ILRUN: variants seen among roughly 807,000 people sequenced by gnomAD.
ILRUN encodes the protein inflammation and lipid regulator with UBA-like and NBR1-like domains, also known as protein ILRUN.
A neutral mutation model predicts 33.8 loss-of-function variants in ILRUN; 3 were observed. That is an observed-to-expected ratio of 0.09 (90% CI 0.04 to 0.23). The LOEUF is 0.23. Ranked by LOEUF, ILRUN falls within the 10% of genes least tolerant of loss-of-function variation. The pLI is 1.00. For missense variants in ILRUN, 210 were observed against 375.1 expected (o/e 0.56, Z 3.64); for synonymous variants, 124 against 138.9 (o/e 0.89, Z 0.75).
At chr6:34,614,177 C>T (rs1412354411) in intron 3 of ILRUN, among the ~76,000 whole-genome samples, 1 of 152,018 alleles carries the variant, frequency 6.6e-6, no homozygotes, top group Non-Finnish European at 1.5e-5. Context: ...AATCCTTGCA[C>T]CGTGGGAGGC....
At chr6:34,687,575 G>A (rs1427630335) in intron 1 of ILRUN, among the ~76,000 whole-genome samples, 1 of 151,602 alleles carries the variant, frequency 6.6e-6, no homozygotes, top group Admixed American at 6.6e-5. Context: ...GCACACAGCT[G>A]TAGTCCCAGC....
chr6:34,691,741 A>C (rs1485090924), intron 1 of ILRUN, among the ~76,000 whole-genome samples: 2 of 152,106 alleles, frequency 1.3e-5, no homozygotes, highest in Non-Finnish European at 2.9e-5. Context: ...GGTTGCAGTG[A>C]GCCAAGATCG....
intron 4 of ILRUN, chr6:34,595,983 AC>A: frequency 1.1e-6 from 1 of 932,166 alleles, no homozygotes; most frequent in Non-Finnish European, 1.3e-6. Flanking sequence ...AGGGTTTAGT[AC>A]TAAGTCCTGT....
intron 2 of ILRUN, among the ~76,000 whole-genome samples, chr6:34,650,585 C>A (rs1762645457): frequency 6.6e-6 from 1 of 151,992 alleles, no homozygotes; most frequent in South Asian, 2.1e-4. Context: ...CGCCTGCCAC[C>A]ATGCCTGGCT....
chr6:34,682,261 T>TTTTGTTTTGTTTTG (rs1763380700), intron 1 of ILRUN, among the ~76,000 whole-genome samples: 4 of 96,594 alleles, frequency 4.1e-5, no homozygotes, highest in African/African-American at 1.8e-4. Flanking sequence ...GTTTTTTTTT[T>TTTTGTTTTGTTTTG]TTTTTTTTTT....
chr6:34,670,361 T>C (rs147549058), intron 1 of ILRUN, among the ~76,000 whole-genome samples: 128 of 152,262 alleles, frequency 8.4e-4, no homozygotes, highest in African/African-American at 3.0e-3. Flanking sequence ...TGCAGATGGA[T>C]AAACTTACTA....
At chr6:34,654,560 C>A in intron 2 of ILRUN, 65 bp downstream of exon 2, 1 of 1,478,884 alleles carries the variant, frequency 6.8e-7, no homozygotes, top group South Asian at 1.3e-5. Flanking sequence ...TAAAACATTT[C>A]CTTCTTATTT....
rs78778384 is a variant in ILRUN at position 34,683,518 on chromosome 6, A to G, written c.158+12928T>C. The stretch of plus-strand genomic sequence containing the variant: ...TATATACATATATATATATATACAT[A>G]TATATATATACATATTGCACAGAAT... On this transcript the variant is annotated intron_variant, in intron 1 of 4. Transcript: ENST00000374023. Among the ~76,000 whole-genome samples, 22 of 99,626 alleles carry G rather than the reference A, an allele frequency of 2.2e-4. No homozygotes were observed. In the East Asian group the frequency reaches 4.6e-3, roughly 21 times the overall value. 65.4% of individuals were successfully genotyped at this position (99,626 alleles called of 152,430 possible).
intron 1 of ILRUN, among the ~76,000 whole-genome samples, chr6:34,662,470 G>A (rs778554754): frequency 6.6e-6 from 1 of 152,150 alleles, no homozygotes; most frequent in Non-Finnish European, 1.5e-5. Flanking sequence ...ATTCATAAGA[G>A]TCAAATGGTG....
At position 34,659,265 on chromosome 6, in the gene ILRUN, G is replaced by A. The variant is rs568828196; in HGVS notation, c.159-4486C>T. 3.9e-5 allele frequency among the ~76,000 whole-genome samples: 6 copies of A among 152,290 alleles called. No individual in the cohort carries two copies. In the South Asian group the frequency reaches 6.2e-4, roughly 16 times the overall value. On this transcript the variant is annotated intron_variant, in intron 1 of 4. Coordinates refer to ENST00000374023, the MANE Select transcript of ILRUN (RefSeq NM_024294.4). ...ACTGCACAGACAATGAAGTTAACCC[G>A]AACTGGAGAAGAATTTGGTAACACT...
intron 1 of ILRUN, among the ~76,000 whole-genome samples, chr6:34,664,209 G>C (rs1762951407): frequency 6.6e-6 from 1 of 152,172 alleles, no homozygotes; most frequent in Non-Finnish European, 1.5e-5. Flanking sequence ...ATGTATCACA[G>C]CACCAAAAAC....
intron 2 of ILRUN, among the ~76,000 whole-genome samples, chr6:34,649,379 G>A (rs1243957457): frequency 1.3e-5 from 2 of 152,150 alleles, no homozygotes; most frequent in Non-Finnish European, 2.9e-5. Flanking sequence ...TCCAAATTAA[G>A]TCTCAGTTGC....
At position 34,683,473 on chromosome 6, in the gene ILRUN, C is replaced by CATATATATATACATATATATAT. The variant is rs1174245644; in HGVS notation, c.158+12972_158+12973insATATATATATGTATATATATAT. On this transcript the variant is annotated intron_variant, in intron 1 of 4. Transcript: ENST00000374023. ...ATATACATATATATACATATATATA[C>CATATATATATACATATATATAT]ACATATATATATACATATATATATA... is the stretch of plus-strand genomic sequence containing the variant. Among the ~76,000 whole-genome samples the CATATATATATACATATATATAT allele has an allele frequency of 2.9e-4, 28 of 97,816 alleles. 1 individual carries two copies. The East Asian group carries it at 4.4e-3, about 15-fold the overall frequency. The allele number at this position is 97,816 out of a possible 152,430, so 64.2% of individuals were successfully genotyped here.
intron 3 of ILRUN, among the ~76,000 whole-genome samples, chr6:34,626,196 G>A (rs1401193089): frequency 1.3e-5 from 2 of 152,056 alleles, no homozygotes; most frequent in African/African-American, 4.8e-5. Flanking sequence ...TTCCAAGACA[G>A]GGTCTCTCTT....
intron 3 of ILRUN, among the ~76,000 whole-genome samples, chr6:34,622,077 T>C (rs1017343362): frequency 6.6e-6 from 1 of 152,136 alleles, no homozygotes; most frequent in African/African-American, 2.4e-5. Flanking sequence ...CCTTACCTTA[T>C]GCCATATACA....
chr6:34,667,879 A>G (rs1469825389), intron 1 of ILRUN, among the ~76,000 whole-genome samples: 1 of 152,218 alleles, frequency 6.6e-6, no homozygotes, highest in Non-Finnish European at 1.5e-5. Flanking sequence ...AACCAAAGAT[A>G]ACATAAGATC....
chr6:34,624,069 T>G (rs1001523502), intron 3 of ILRUN, among the ~76,000 whole-genome samples: 3 of 152,160 alleles, frequency 2.0e-5, no homozygotes, highest in Admixed American at 2.0e-4. Context: ...TGACCTCAAG[T>G]GTTTGGCCCA....
In ILRUN at chr6:34,680,473, G is replaced by GT. The variant is rs1032953249; in HGVS notation, c.158+15972dup. 1.1e-3 allele frequency among the ~76,000 whole-genome samples: 165 copies of GT among 150,836 alleles called. 1 individual carries two copies. The highest frequency in any genetic ancestry group is 3.7e-3 in the African/African-American group (153 of 41,184). The stretch of plus-strand genomic sequence containing the variant: ...ATGAACATAAATCATGTCTTTTTTT[G>GT]TTTTTTTTGGAGACAGAGTCTCGCT... On this transcript the variant is annotated intron_variant, in intron 1 of 4. Coordinates refer to ENST00000374023, the MANE Select transcript of ILRUN (RefSeq NM_024294.4).
At chr6:34,694,841 A>G (rs1204112713) in intron 1 of ILRUN, among the ~76,000 whole-genome samples, 1 of 152,094 alleles carries the variant, frequency 6.6e-6, no homozygotes, top group African/African-American at 2.4e-5. Context: ...TGAGATCAGG[A>G]GTTCAAGATC....
Sources: allele counts gnomAD v4.1 joint callset (sites outside exome capture counted in the v4.1 genomes callset), GRCh38; gene constraint gnomAD v4.1.1; transcripts MANE v1.5; gene names NCBI Gene and HGNC (gene_info 2026-07-23, HGNC 2026-07-21).